EPB41L4A: variants seen among roughly 807,000 people sequenced by gnomAD.
EPB41L4A encodes the protein erythrocyte membrane protein band 4.1 like 4A.
A neutral mutation model predicts 108.6 loss-of-function variants in EPB41L4A; 100 were observed. The ratio of observed to expected loss-of-function variants is 0.92; its 90% CI spans 0.78 to 1.09. The LOEUF is 1.09. Among genes scored for constraint, EPB41L4A ranks in the 50% least tolerant of loss-of-function variants. The pLI, the probability that EPB41L4A is intolerant of heterozygous loss-of-function variation, is 0.00. For synonymous variants in EPB41L4A, 319 were observed against 289.0 expected, an observed-to-expected ratio of 1.10 and a Z score of -1.05; for missense variants, 1,030 against 842.7, an observed-to-expected ratio of 1.22 and a Z score of -2.75.
intron 1 of EPB41L4A, among the ~76,000 whole-genome samples, chr5:112,349,376 G>C (rs1339102476): frequency 6.6e-6 from 1 of 152,116 alleles, no homozygotes; most frequent in African/African-American, 2.4e-5. Context: ...CTGAGACAAG[G>C]GCAAGAATAG....
chr5:112,379,513 T>C (rs1008982323), intron 1 of EPB41L4A, among the ~76,000 whole-genome samples: 1 of 152,158 alleles, frequency 6.6e-6, no homozygotes, highest in African/African-American at 2.4e-5. Flanking sequence ...GAAAGGTTAT[T>C]AGCAGGAGAC....
At chr5:112,311,790 T>G (rs1755070053) in intron 1 of EPB41L4A, among the ~76,000 whole-genome samples, 1 of 152,158 alleles carries the variant, frequency 6.6e-6, no homozygotes, top group Non-Finnish European at 1.5e-5. Context: ...TCCTCTTACT[T>G]CAAAATATTT....
chr5:112,341,462 A>C (rs1227034026), intron 1 of EPB41L4A, among the ~76,000 whole-genome samples: 2 of 152,212 alleles, frequency 1.3e-5, no homozygotes, highest in Admixed American at 1.3e-4. Context: ...GTAGCTTTAA[A>C]GTATCTGATG....
At chr5:112,221,377 G>T (rs1229828823) in intron 12 of EPB41L4A, among the ~76,000 whole-genome samples, 4 of 152,196 alleles carry the variant, frequency 2.6e-5, no homozygotes, top group African/African-American at 9.7e-5. Flanking sequence ...GTACAAGGTT[G>T]AAAGTCCAAC....
Position 112,224,086 on chromosome 5 carries a change from G to C in EPB41L4A, c.1087+10548C>G, listed in dbSNP as rs563789935. Among the ~76,000 whole-genome samples the C allele has an allele frequency of 2.1e-3, 316 of 152,260 alleles. 3 individuals carry two copies. Among genetic ancestry groups the C allele is most frequent in the African/African-American group, 7.5e-3 (312 of 41,540 alleles). ...TCTGCCTCAGCCTCCTGAGTAGCTGGGATTACAGGCGCCTGCCACTGCGTC... is the reference window on the plus strand; with the variant it reads ...TCTGCCTCAGCCTCCTGAGTAGCTGCGATTACAGGCGCCTGCCACTGCGTC... On this transcript the variant is annotated intron_variant, in intron 12 of 22. Transcript: ENST00000261486.
intron 15 of EPB41L4A, among the ~76,000 whole-genome samples, chr5:112,199,898 G>C (rs959253158): frequency 6.6e-6 from 1 of 152,232 alleles, no homozygotes; most frequent in Admixed American, 6.5e-5. Flanking sequence ...CTAGGACTCG[G>C]ACAATAGCCT....
intron 2 of EPB41L4A, among the ~76,000 whole-genome samples, chr5:112,306,482 T>C (rs1754688270): frequency 6.6e-6 from 1 of 152,116 alleles, no homozygotes. Context: ...CCATCAATAG[T>C]GGAAACACCA....
chr5:112,157,301 T>A (rs1312283543), intron 12 of EPB41L4A, among the ~76,000 whole-genome samples: 3 of 152,156 alleles, frequency 2.0e-5, no homozygotes, highest in Admixed American at 2.0e-4. Context: ...TATTTTAAAA[T>A]GAAATGTGCA....
At chr5:112,321,569 T>C (rs922936288) in intron 1 of EPB41L4A, among the ~76,000 whole-genome samples, 2 of 152,234 alleles carry the variant, frequency 1.3e-5, no homozygotes, top group African/African-American at 2.4e-5. Context: ...ACCATGGCAG[T>C]TGCTGAGCTA....
intron 1 of EPB41L4A, among the ~76,000 whole-genome samples, chr5:112,347,127 G>A (rs1280727012): frequency 6.6e-6 from 1 of 152,192 alleles, no homozygotes; most frequent in African/African-American, 2.4e-5. Flanking sequence ...AAAGCTATAA[G>A]CAGTATCAGC....
intron 12 of EPB41L4A, among the ~76,000 whole-genome samples, chr5:112,212,584 T>A (rs1342981173): frequency 2.0e-5 from 3 of 152,194 alleles, no homozygotes; most frequent in Non-Finnish European, 4.4e-5. Flanking sequence ...TGTGAGCCAC[T>A]GTGCCCAGCC....
intron 1 of EPB41L4A, among the ~76,000 whole-genome samples, chr5:112,371,606 G>C (rs1759501487): frequency 6.6e-6 from 1 of 152,074 alleles, no homozygotes; most frequent in Non-Finnish European, 1.5e-5. Context: ...GAATGTCCAA[G>C]GACAAACAGT....
intron 1 of EPB41L4A, among the ~76,000 whole-genome samples, chr5:112,349,349 G>A (rs1401131591): frequency 6.6e-6 from 1 of 152,168 alleles, no homozygotes; most frequent in East Asian, 1.9e-4. Context: ...ACCTTGGAAA[G>A]AGGCAGGGCC....
downstream of EPB41L4A, chr5:112,161,435 T>G (rs1463992384): frequency 2.0e-6 from 1 of 490,666 alleles, no homozygotes; most frequent in Admixed American, 2.1e-5. Flanking sequence ...TCGGCATTAC[T>G]GTCAGCCAGT....
chr5:112,314,828 T>C (rs1314997656), intron 1 of EPB41L4A, among the ~76,000 whole-genome samples: 2 of 152,026 alleles, frequency 1.3e-5, no homozygotes, highest in Non-Finnish European at 2.9e-5. Flanking sequence ...ATGATATTAA[T>C]GCCATTCCAG....
At chr5:112,284,874 G>C (rs1218367152) in intron 2 of EPB41L4A, among the ~76,000 whole-genome samples, 1 of 152,144 alleles carries the variant, frequency 6.6e-6, no homozygotes, top group African/African-American at 2.4e-5. Context: ...AAATGCCCTT[G>C]GCTGCTTTCA....
chr5:112,262,434 G>T, intron 7 of EPB41L4A, 60 bp downstream of exon 7: 2 of 1,427,954 alleles, frequency 1.4e-6, no homozygotes, highest in South Asian at 2.3e-5. Context: ...GAGTCTCAGT[G>T]ACTTTTTAAG....
chr5:112,195,924 T>G (rs947591365), intron 15 of EPB41L4A, among the ~76,000 whole-genome samples: 10 of 152,174 alleles, frequency 6.6e-5, no homozygotes, highest in Admixed American at 6.5e-4. Context: ...TAGTGGAACC[T>G]GCAAACCGTC....
At chr5:112,238,216 C>T (rs919167872) in intron 11 of EPB41L4A, among the ~76,000 whole-genome samples, 5 of 152,150 alleles carry the variant, frequency 3.3e-5, no homozygotes, top group Non-Finnish European at 7.3e-5. Context: ...ACTGGAAGAA[C>T]AGTCCAAGTA....
Sources: allele counts gnomAD v4.1 joint callset (sites outside exome capture counted in the v4.1 genomes callset), GRCh38; gene constraint gnomAD v4.1.1; transcripts MANE v1.5; gene names NCBI Gene and HGNC (gene_info 2026-07-23, HGNC 2026-07-21).